The following SESTD1 variants were observed in gnomAD, a reference collection of about 807,000 sequenced individuals.
SESTD1 encodes the protein SEC14 domain and spectrin repeat-containing protein 1.
In SESTD1, 43 loss-of-function variants were observed where a neutral mutation model predicts 101.7. The ratio of observed to expected loss-of-function variants is 0.42; its 90% CI spans 0.33 to 0.55. The LOEUF is 0.55. Among genes scored for constraint, SESTD1 ranks in the 20% least tolerant of loss-of-function variants. The pLI, the probability that SESTD1 is intolerant of heterozygous loss-of-function variation, is 0.07. For synonymous variants in SESTD1, 283 were observed against 286.8 expected (o/e 0.99, Z 0.13); for missense variants, 647 against 815.1 (o/e 0.79, Z 2.51).
chr2:179,157,106 T>C (rs537377585), intron 5 of SESTD1, among the ~76,000 whole-genome samples: 4 of 152,160 alleles, frequency 2.6e-5, no homozygotes, highest in Admixed American at 2.6e-4. Flanking sequence ...TGTTTTTGTT[T>C]GCTACCCCTT....
chr2:179,127,304 T>C (rs2044896829), intron 10 of SESTD1, among the ~76,000 whole-genome samples: 1 of 152,208 alleles, frequency 6.6e-6, no homozygotes, highest in African/African-American at 2.4e-5. Context: ...TTAAATGTCA[T>C]CTCCTCAGAG....
intron 5 of SESTD1, among the ~76,000 whole-genome samples, chr2:179,154,169 T>A: frequency 6.6e-6 from 1 of 151,146 alleles, no homozygotes; most frequent in Non-Finnish European, 1.5e-5. Context: ...GGAGTTAGGC[T>A]GCAGGGAGCT....
At chr2:179,236,323 TAAAAAAAAAAAAA>T (rs552456681) in intron 1 of SESTD1, among the ~76,000 whole-genome samples, 8 of 66,718 alleles carry the variant, frequency 1.2e-4, no homozygotes, top group Admixed American at 3.7e-4. Context: ...CCTCATCTCT[TAAAAAAAAAAAAA>T]AAAAAAAAAA....
intron 7 of SESTD1, 28 bp downstream of exon 7, chr2:179,149,269 A>ATAT (rs1162932991): frequency 2.0e-6 from 3 of 1,477,358 alleles, no homozygotes; most frequent in African/African-American, 2.8e-5. Context: ...TTTTGCAAGG[A>ATAT]TATAATTGCA....
intron 9 of SESTD1, among the ~76,000 whole-genome samples, chr2:179,139,293 C>G (rs1346394031): frequency 2.6e-5 from 4 of 152,132 alleles, no homozygotes; most frequent in Admixed American, 2.6e-4. Context: ...GCCTTTTCCT[C>G]TTTATGAAAA....
At chr2:179,232,373 T>A (rs1310004517) in intron 1 of SESTD1, among the ~76,000 whole-genome samples, 1 of 151,416 alleles carries the variant, frequency 6.6e-6, no homozygotes, top group Non-Finnish European at 1.5e-5. Context: ...AGACTAGAAA[T>A]AATAAAGACA....
intron 2 of SESTD1, among the ~76,000 whole-genome samples, chr2:179,185,731 T>TAAA: frequency 9.7e-6 from 1 of 103,462 alleles, no homozygotes; most frequent in Non-Finnish European, 1.6e-5. Flanking sequence ...GCATATTATA[T>TAAA]ATAATATAAT....
intron 5 of SESTD1, among the ~76,000 whole-genome samples, chr2:179,169,459 G>C (rs1348384130): frequency 6.6e-6 from 1 of 151,852 alleles, no homozygotes; most frequent in African/African-American, 2.4e-5. Flanking sequence ...AAAACTGACA[G>C]AAATAAAATA....
At chr2:179,114,991 T>C (rs1436087002) in intron 16 of SESTD1, 74 bp downstream of exon 16, 6 of 1,256,032 alleles carry the variant, frequency 4.8e-6, no homozygotes, top group East Asian at 2.4e-5. Context: ...TATAGTTACA[T>C]TACTAAAATT....
At chr2:179,159,323 T>C (rs1450754547) in intron 5 of SESTD1, among the ~76,000 whole-genome samples, 2 of 152,170 alleles carry the variant, frequency 1.3e-5, no homozygotes, top group Non-Finnish European at 2.9e-5. Context: ...AGACAACTGC[T>C]TCCCAGAGGA....
chr2:179,217,951 C>T (rs545646601), intron 1 of SESTD1, among the ~76,000 whole-genome samples: 43 of 133,468 alleles, frequency 3.2e-4, no homozygotes, highest in South Asian at 1.1e-3. Flanking sequence ...GGACACAGGG[C>T]GGGGAACGTC....
chr2:179,199,606 C>A (rs1478026358), intron 1 of SESTD1, among the ~76,000 whole-genome samples: 1 of 152,010 alleles, frequency 6.6e-6, no homozygotes, highest in Admixed American at 6.6e-5. Context: ...GCTTATCCAC[C>A]ATGATCAAGT....
chr2:179,111,382 T>C (rs1161336271), intron 17 of SESTD1, among the ~76,000 whole-genome samples: 1 of 152,220 alleles, frequency 6.6e-6, no homozygotes, highest in Non-Finnish European at 1.5e-5. Context: ...GTCAGATCTG[T>C]TTTAAGTACT....
At chr2:179,149,059 C>CAAAAAAAAAAAA (rs66636048) in intron 7 of SESTD1, among the ~76,000 whole-genome samples, 3 of 60,408 alleles carry the variant, frequency 5.0e-5, no homozygotes, top group African/African-American at 1.1e-4. Flanking sequence ...GACTCCGTCT[C>CAAAAAAAAAAAA]AAAAAAAAAA....
chr2:179,188,080 C>T (rs1435412838), intron 2 of SESTD1, among the ~76,000 whole-genome samples: 1 of 152,136 alleles, frequency 6.6e-6, no homozygotes, highest in Non-Finnish European at 1.5e-5. Flanking sequence ...ACCAACTGGA[C>T]CTAATAGACA....
chr2:179,251,628 C>A (rs914149159), intron 1 of SESTD1, among the ~76,000 whole-genome samples: 1 of 152,200 alleles, frequency 6.6e-6, no homozygotes, highest in Non-Finnish European at 1.5e-5. Context: ...TGTCCTCCCC[C>A]ACAAAATCAT....
At chr2:179,210,673 C>A (rs2046639087) in intron 1 of SESTD1, among the ~76,000 whole-genome samples, 1 of 134,720 alleles carries the variant, frequency 7.4e-6, no homozygotes. Flanking sequence ...CAGCATAGAA[C>A]AGACATATCT....
chr2:179,122,670 A>G (rs2044779843), intron 12 of SESTD1, among the ~76,000 whole-genome samples: 1 of 152,194 alleles, frequency 6.6e-6, no homozygotes, highest in African/African-American at 2.4e-5. Context: ...TGGGCAGATC[A>G]CCAGAGGTCA....
intron 5 of SESTD1, among the ~76,000 whole-genome samples, chr2:179,161,268 T>C (rs1040295092): frequency 6.6e-6 from 1 of 152,004 alleles, no homozygotes; most frequent in Non-Finnish European, 1.5e-5. Flanking sequence ...CCAATTTGTA[T>C]TTTTCCCACC....
Sources: allele counts gnomAD v4.1 joint callset (sites outside exome capture counted in the v4.1 genomes callset), GRCh38; gene constraint gnomAD v4.1.1; transcripts MANE v1.5; gene names NCBI Gene and HGNC (gene_info 2026-07-23, HGNC 2026-07-21).